The following EPHA6 variants were observed in gnomAD, a reference collection of about 807,000 sequenced individuals.
The protein encoded by EPHA6 is ephrin type-A receptor 6.
In EPHA6, 50 loss-of-function variants were observed where a neutral mutation model predicts 112.0. The observed-to-expected ratio is 0.45, with a 90% confidence interval of 0.36 to 0.56. The LOEUF is 0.56. Ranked by LOEUF, EPHA6 falls within the 20% of genes least tolerant of loss-of-function variation. The probability of loss-of-function intolerance (pLI) is 0.00; values close to 1 mark genes in which losing one functional copy is unlikely to be tolerated. For missense variants in EPHA6, 1,280 were observed against 1,417.4 expected, an observed-to-expected ratio of 0.90 and a Z score of 1.56; for synonymous variants, 529 against 490.7, an observed-to-expected ratio of 1.08 and a Z score of -1.03.
intron 5 of EPHA6, among the ~76,000 whole-genome samples, chr3:97,350,350 G>A (rs1422991801): frequency 6.6e-6 from 1 of 151,986 alleles, no homozygotes; most frequent in Non-Finnish European, 1.5e-5. Flanking sequence ...AAAATATTCA[G>A]CTACTACAGA....
At chr3:97,451,173 C>A (rs1046618003) in intron 7 of EPHA6, among the ~76,000 whole-genome samples, 2 of 151,918 alleles carry the variant, frequency 1.3e-5, no homozygotes, top group African/African-American at 4.8e-5. Flanking sequence ...AGGATATTTG[C>A]ATGTATCCAG....
At chr3:97,326,632 C>T (rs2082436514) in intron 5 of EPHA6, among the ~76,000 whole-genome samples, 2 of 152,000 alleles carry the variant, frequency 1.3e-5, no homozygotes, top group South Asian at 4.1e-4. Flanking sequence ...GAAATATGTG[C>T]TTTTTACAGA....
intron 11 of EPHA6, among the ~76,000 whole-genome samples, chr3:97,537,814 A>G (rs1321181460): frequency 1.3e-5 from 2 of 152,074 alleles, no homozygotes; most frequent in Non-Finnish European, 2.9e-5. Flanking sequence ...CCCAACCTCA[A>G]GTGATCCACC....
chr3:97,586,422 G>C (rs2093488441), intron 11 of EPHA6, among the ~76,000 whole-genome samples: 1 of 152,068 alleles, frequency 6.6e-6, no homozygotes, highest in South Asian at 2.1e-4. Context: ...TAAACTTATT[G>C]AATCTCTAGC....
intron 5 of EPHA6, among the ~76,000 whole-genome samples, chr3:97,283,125 C>T (rs561531061): frequency 3.9e-5 from 6 of 152,084 alleles, no homozygotes; most frequent in South Asian, 2.1e-4. Flanking sequence ...AATCAAAATG[C>T]TTTGTTAGAT....
At chr3:97,441,728 T>C (rs748528407) in intron 6 of EPHA6, among the ~76,000 whole-genome samples, 1 of 152,092 alleles carries the variant, frequency 6.6e-6, no homozygotes, top group Admixed American at 6.5e-5. Context: ...CTAAAATATT[T>C]AAAATGTAAT....
intron 15 of EPHA6, among the ~76,000 whole-genome samples, chr3:97,727,574 CTACTT>C (rs1468435673): frequency 2.6e-5 from 4 of 152,010 alleles, no homozygotes; most frequent in African/African-American, 9.7e-5. Flanking sequence ...TTTCCAAACT[CTACTT>C]TATTATGTAA....
intron 1 of EPHA6, among the ~76,000 whole-genome samples, chr3:96,818,799 T>C (rs1187033449): frequency 6.6e-6 from 1 of 151,952 alleles, no homozygotes. Context: ...AGAATGTTTC[T>C]GAAAGACCAT....
At chr3:97,696,848 G>A (rs2033076362) in intron 14 of EPHA6, among the ~76,000 whole-genome samples, 1 of 152,136 alleles carries the variant, frequency 6.6e-6, no homozygotes, top group African/African-American at 2.4e-5. Context: ...ACTGTGACAA[G>A]ACCCACTGTT....
intron 2 of EPHA6, among the ~76,000 whole-genome samples, chr3:96,913,589 A>G (rs552034663): frequency 6.6e-6 from 1 of 152,152 alleles, no homozygotes; most frequent in African/African-American, 2.4e-5. Flanking sequence ...ATTTTTAATT[A>G]CAATGAAATA....
chr3:97,080,346 G>GT (rs140264333), intron 3 of EPHA6, among the ~76,000 whole-genome samples: 12,992 of 151,944 alleles, frequency 0.086, 892 homozygotes, highest in Admixed American at 0.21. Flanking sequence ...TTCATATACT[G>GT]TTTTTTTCTT....
At chr3:97,495,877 C>T (rs1480876250) in intron 10 of EPHA6, among the ~76,000 whole-genome samples, 2 of 152,088 alleles carry the variant, frequency 1.3e-5, no homozygotes, top group East Asian at 3.9e-4. Flanking sequence ...TTTTTAACTG[C>T]CACTCTGAAG....
At chr3:97,625,100 T>A (rs1279583870) in intron 13 of EPHA6, among the ~76,000 whole-genome samples, 1 of 151,632 alleles carries the variant, frequency 6.6e-6, no homozygotes, top group Non-Finnish European at 1.5e-5. Flanking sequence ...GGTTTTAGTT[T>A]GTTCTTCTCT....
intron 2 of EPHA6, among the ~76,000 whole-genome samples, chr3:96,894,502 ACAAC>A (rs1241898630): frequency 6.6e-6 from 1 of 152,110 alleles, no homozygotes; most frequent in Non-Finnish European, 1.5e-5. Context: ...TGCTATTGCT[ACAAC>A]CAAGGAATAC....
chr3:96,940,682 T>A (rs2040888059), intron 2 of EPHA6, among the ~76,000 whole-genome samples: 1 of 152,208 alleles, frequency 6.6e-6, no homozygotes. Context: ...TGATGCAGTT[T>A]CTTCCTAGCC....
At chr3:97,130,275 T>C (rs1252008436) in intron 3 of EPHA6, among the ~76,000 whole-genome samples, 1 of 152,124 alleles carries the variant, frequency 6.6e-6, no homozygotes, top group Non-Finnish European at 1.5e-5. Flanking sequence ...GTTGTTTTTT[T>C]CTCTTTTTCT....
At chr3:96,947,133 C>T (rs2041307320) in intron 2 of EPHA6, among the ~76,000 whole-genome samples, 1 of 151,910 alleles carries the variant, frequency 6.6e-6, no homozygotes, top group African/African-American at 2.4e-5. Flanking sequence ...TGTGGGTTGC[C>T]TGTTCACTCT....
At chr3:97,163,573 G>T (rs1269689474) in intron 3 of EPHA6, among the ~76,000 whole-genome samples, 1 of 152,110 alleles carries the variant, frequency 6.6e-6, no homozygotes, top group African/African-American at 2.4e-5. Flanking sequence ...ACCTTGTCTA[G>T]TTATAGGTCT....
intron 3 of EPHA6, among the ~76,000 whole-genome samples, chr3:97,182,235 AAAC>A (rs2077008873): frequency 1.3e-5 from 2 of 151,562 alleles, no homozygotes; most frequent in Non-Finnish European, 2.9e-5. Context: ...TGTTCTCAGA[AAAC>A]AATAATTTTA....
Sources: gnomAD v4.1 joint callset for allele counts (sites outside exome capture counted in the v4.1 genomes callset) on GRCh38, gnomAD v4.1.1 for gene constraint, MANE v1.5 for transcripts, NCBI Gene and HGNC (gene_info 2026-07-23, HGNC 2026-07-21) for gene names.